LSAMP: variants seen among roughly 807,000 people sequenced by gnomAD.
The protein encoded by LSAMP is limbic system associated membrane protein.
Under a neutral mutation model 38.6 loss-of-function variants are expected in LSAMP, and 7 were observed. The observed-to-expected ratio is 0.18, with a 90% CI of 0.10 to 0.34. The LOEUF (loss-of-function observed/expected upper bound fraction) is 0.34. LSAMP is among the 10% of genes least tolerant of loss of function. The probability of loss-of-function intolerance (pLI) is 1.00; values close to 1 mark genes in which losing one functional copy is unlikely to be tolerated. For synonymous variants in LSAMP, 154 were observed against 166.8 expected, an observed-to-expected ratio of 0.92 and a Z score of 0.59; for missense variants, 313 against 420.0, an observed-to-expected ratio of 0.75 and a Z score of 2.23.
At chr3:115,907,869 C>T (rs1240561852) in intron 3 of LSAMP, among the ~76,000 whole-genome samples, 1 of 152,052 alleles carries the variant, frequency 6.6e-6, no homozygotes, top group African/African-American at 2.4e-5. Context: ...CATTTAGGGG[C>T]TTCTCAAGGC....
chr3:116,325,570 A>G (rs2047759294), intron 1 of LSAMP, among the ~76,000 whole-genome samples: 1 of 152,208 alleles, frequency 6.6e-6, no homozygotes, highest in Non-Finnish European at 1.5e-5. Flanking sequence ...TCCAAAGCTG[A>G]AATGACATAT....
chr3:115,917,325 C>T (rs1036434554), intron 3 of LSAMP, among the ~76,000 whole-genome samples: 2 of 152,086 alleles, frequency 1.3e-5, no homozygotes, highest in Non-Finnish European at 2.9e-5. Flanking sequence ...TATTACGTAC[C>T]TTTGCTTCTA....
chr3:116,351,407 G>T (rs2048137772), intron 1 of LSAMP, among the ~76,000 whole-genome samples: 1 of 152,198 alleles, frequency 6.6e-6, no homozygotes. Flanking sequence ...CGGAGAAGTA[G>T]CTTTGGAACC....
intron 1 of LSAMP, among the ~76,000 whole-genome samples, chr3:116,228,014 AG>A (rs1442647898): frequency 1.3e-5 from 2 of 152,152 alleles, no homozygotes; most frequent in African/African-American, 4.8e-5. Flanking sequence ...TACTTTTTAA[AG>A]GTAGCCTAAG....
At chr3:116,397,738 A>G (rs2107821682) in intron 1 of LSAMP, among the ~76,000 whole-genome samples, 1 of 152,234 alleles carries the variant, frequency 6.6e-6, no homozygotes, top group South Asian at 2.1e-4. Context: ...TTGCACTGAA[A>G]AAAATCTCAG....
intron 1 of LSAMP, among the ~76,000 whole-genome samples, chr3:116,272,778 G>A (rs1004338734): frequency 1.3e-5 from 2 of 152,014 alleles, no homozygotes; most frequent in Non-Finnish European, 1.5e-5. Context: ...CTAAGTAAGT[G>A]GCAGAAAAGA....
At chr3:115,882,134 T>C (rs1936339355) in intron 3 of LSAMP, among the ~76,000 whole-genome samples, 2 of 152,100 alleles carry the variant, frequency 1.3e-5, no homozygotes, top group Admixed American at 6.6e-5. Flanking sequence ...TAAGGCAATA[T>C]TCTTTTTTGA....
intron 1 of LSAMP, among the ~76,000 whole-genome samples, chr3:116,092,813 A>G (rs1032874313): frequency 6.6e-6 from 1 of 152,224 alleles, no homozygotes; most frequent in Non-Finnish European, 1.5e-5. Context: ...ACTTAATAGC[A>G]TATGTACTGA....
chr3:115,963,841 C>A (rs1938705757), intron 3 of LSAMP, among the ~76,000 whole-genome samples: 1 of 152,068 alleles, frequency 6.6e-6, no homozygotes, highest in Admixed American at 6.6e-5. Flanking sequence ...GCAGCCTTGC[C>A]CTCTTGGGCT....
chr3:116,302,855 C>A (rs2047431686), intron 1 of LSAMP, among the ~76,000 whole-genome samples: 1 of 152,110 alleles, frequency 6.6e-6, no homozygotes, highest in African/African-American at 2.4e-5. Context: ...CACTGATCTC[C>A]CAATGATTCC....
At chr3:116,158,165 T>TA (rs1164114227) in intron 1 of LSAMP, among the ~76,000 whole-genome samples, 1 of 152,154 alleles carries the variant, frequency 6.6e-6, no homozygotes, top group East Asian at 1.9e-4. Flanking sequence ...CCCTTTGTGT[T>TA]AAAAACCTTC....
chr3:116,383,361 G>A (rs2048586845), intron 1 of LSAMP, among the ~76,000 whole-genome samples: 1 of 151,902 alleles, frequency 6.6e-6, no homozygotes, highest in East Asian at 1.9e-4. Context: ...AATTTCCATG[G>A]TGATGAATAA....
chr3:116,292,314 A>T (rs2047278059), intron 1 of LSAMP, among the ~76,000 whole-genome samples: 1 of 152,232 alleles, frequency 6.6e-6, no homozygotes, highest in Non-Finnish European at 1.5e-5. Flanking sequence ...AATGAAAAGA[A>T]GATGATTCCA....
chr3:116,354,649 G>A (rs924774310), intron 1 of LSAMP, among the ~76,000 whole-genome samples: 1 of 152,236 alleles, frequency 6.6e-6, no homozygotes. Flanking sequence ...TTTATGGTAG[G>A]TTGCCTTATA....
chr3:116,157,632 T>C lies in LSAMP; in HGVS notation c.156-71076A>G, dbSNP rs141972339. Reference sequence around the variant, plus strand: ...ATATACTTAGGATATCCTGGAAACATACACCTCTCCAAGATGAACCCAGAA... The same window carrying C: ...ATATACTTAGGATATCCTGGAAACACACACCTCTCCAAGATGAACCCAGAA... On this transcript the variant is annotated intron_variant, in intron 1 of 6. Coordinates refer to ENST00000490035, the MANE Select transcript of LSAMP (RefSeq NM_002338.5). Among the ~76,000 whole-genome samples, 14 of 152,162 alleles carry C rather than the reference T, an allele frequency of 9.2e-5. No individual in the cohort carries two copies. The East Asian group carries it at 2.5e-3, about 27-fold the overall frequency.
intron 6 of LSAMP, among the ~76,000 whole-genome samples, chr3:115,829,850 A>G (rs572760556): frequency 4.6e-5 from 7 of 152,354 alleles, no homozygotes; most frequent in Admixed American, 2.6e-4. Flanking sequence ...ACATCAAAAT[A>G]TAATAAGAAT....
At chr3:115,840,208 A>G (rs1934952457) in intron 6 of LSAMP, among the ~76,000 whole-genome samples, 1 of 152,200 alleles carries the variant, frequency 6.6e-6, no homozygotes, top group African/African-American at 2.4e-5. Context: ...TGCTTTCTGT[A>G]ACTCATCCAA....
intron 2 of LSAMP, among the ~76,000 whole-genome samples, chr3:116,044,319 CCCTA>C (rs1373455329): frequency 1.3e-5 from 2 of 152,200 alleles, no homozygotes; most frequent in Non-Finnish European, 2.9e-5. Context: ...ATTCTAACAA[CCCTA>C]CCTTTCTTTT....
At chr3:115,839,262 TTTCCTTCCTTCCTTCCTTCCTTCCTTCC>T (rs1192339424) in intron 6 of LSAMP, among the ~76,000 whole-genome samples, 16 of 78,690 alleles carry the variant, frequency 2.0e-4, no homozygotes, top group Middle Eastern at 6.3e-3. Flanking sequence ...TCCTTCTTTC[TTTCCTTCCTTCCTTCCTTCCTTCCTTCC>T]TTCCTTCCTT....
Sources: allele counts gnomAD v4.1 joint callset (sites outside exome capture counted in the v4.1 genomes callset), GRCh38; gene constraint gnomAD v4.1.1; transcripts MANE v1.5; gene names NCBI Gene and HGNC (gene_info 2026-07-23, HGNC 2026-07-21).